The following GPC5 variants were observed in gnomAD, a reference collection of about 807,000 sequenced individuals.
GPC5 encodes the protein glypican 5.
GPC5 carries 47 observed loss-of-function variants against 53.9 expected under a neutral mutation model. The ratio of observed to expected loss-of-function variants is 0.87; its 90% CI spans 0.69 to 1.11. The LOEUF (loss-of-function observed/expected upper bound fraction) is 1.11. Ranked by LOEUF, GPC5 falls within the 50% of genes most tolerant of loss-of-function variation. The pLI, the probability that GPC5 is intolerant of heterozygous loss-of-function variation, is 0.00. For synonymous variants in GPC5, 286 were observed against 263.3 expected, an observed-to-expected ratio of 1.09 and a Z score of -0.84; for missense variants, 748 against 713.1, an observed-to-expected ratio of 1.05 and a Z score of -0.56.
chr13:92,327,244 G>A (rs1249601682), intron 7 of GPC5, among the ~76,000 whole-genome samples: 1 of 152,130 alleles, frequency 6.6e-6, no homozygotes, highest in Non-Finnish European at 1.5e-5. Context: ...AATTTGCAAT[G>A]TCCTTGCTTA....
intron 7 of GPC5, among the ~76,000 whole-genome samples, chr13:92,791,078 A>G (rs1235308430): frequency 6.6e-6 from 1 of 152,076 alleles, no homozygotes; most frequent in Non-Finnish European, 1.5e-5. Flanking sequence ...GTGAAATTCA[A>G]CAGTCAGTTA....
At chr13:91,890,294 G>T (rs1233054639) in intron 5 of GPC5, among the ~76,000 whole-genome samples, 2 of 152,086 alleles carry the variant, frequency 1.3e-5, no homozygotes, top group African/African-American at 4.8e-5. Context: ...AGCTGCATTT[G>T]GCAGGCTCTA....
rs535461745 is a variant in GPC5 at position 92,290,203 on chromosome 13, G to T, written c.1561+145214G>T. ...TCAACAAAATCAAATCTACAGATAC[G>T]TAGTTGGTAATTGATTATGCAACAT... On this transcript the variant is annotated intron_variant, in intron 7 of 7. Coordinates refer to ENST00000377067, the MANE Select transcript of GPC5 (RefSeq NM_004466.6). 1.2e-4 allele frequency among the ~76,000 whole-genome samples: 18 copies of T among 152,272 alleles called. 1 individual carries two copies. In the South Asian group the frequency reaches 3.7e-3, roughly 32 times the overall value.
chr13:91,461,169 T>A (rs76474689), intron 2 of GPC5, among the ~76,000 whole-genome samples: 1,930 of 152,248 alleles, frequency 0.013, 22 homozygotes, highest in South Asian at 0.023. Context: ...ACAAAGATAA[T>A]CGAACTTTTG....
At chr13:92,613,266 T>C (rs1188034214) in intron 7 of GPC5, among the ~76,000 whole-genome samples, 3 of 125,302 alleles carry the variant, frequency 2.4e-5, no homozygotes, top group African/African-American at 6.1e-5. Context: ...ATAATATATA[T>C]ATAAATTATA....
intron 6 of GPC5, among the ~76,000 whole-genome samples, chr13:92,064,759 A>AAAAAAAAAAAAAAAAAAAAAAAAAAC (rs1566419687): frequency 3.5e-5 from 1 of 28,442 alleles, no homozygotes; most frequent in Non-Finnish European, 7.7e-5. Context: ...TCCGTCTCAA[A>AAAAAAAAAAAAAAAAAAAAAAAAAAC]AAAAAAAAAC....
intron 1 of GPC5, among the ~76,000 whole-genome samples, chr13:91,431,776 T>C (rs1879471078): frequency 1.3e-5 from 2 of 152,158 alleles, no homozygotes; most frequent in Non-Finnish European, 2.9e-5. Flanking sequence ...AATGGGGTTA[T>C]TATGAGGTGG....
At chr13:92,077,035 A>T (rs1196156797) in intron 6 of GPC5, among the ~76,000 whole-genome samples, 1 of 152,098 alleles carries the variant, frequency 6.6e-6, no homozygotes, top group Non-Finnish European at 1.5e-5. Context: ...GACAAACTCA[A>T]CCAATTGTCA....
At chr13:91,797,776 G>A (rs150056144) in intron 5 of GPC5, among the ~76,000 whole-genome samples, 112 of 152,242 alleles carry the variant, frequency 7.4e-4, no homozygotes, top group African/African-American at 2.1e-3. Context: ...CAGAGCAGGC[G>A]TCGTGCTGAC....
At chr13:92,023,910 G>C (rs2040780268) in intron 6 of GPC5, among the ~76,000 whole-genome samples, 1 of 151,920 alleles carries the variant, frequency 6.6e-6, no homozygotes, top group Non-Finnish European at 1.5e-5. Context: ...ATAAGTTCCA[G>C]GTACTTTGTG....
intron 2 of GPC5, among the ~76,000 whole-genome samples, chr13:91,683,687 T>C (rs1023264267): frequency 2.6e-5 from 4 of 152,220 alleles, no homozygotes; most frequent in South Asian, 2.1e-4. Flanking sequence ...TCCAATATTT[T>C]AGTCTCTATC....
intron 1 of GPC5, among the ~76,000 whole-genome samples, chr13:91,409,635 A>T (rs1460710273): frequency 6.6e-6 from 1 of 152,254 alleles, no homozygotes; most frequent in Non-Finnish European, 1.5e-5. Context: ...TATTATGATC[A>T]CATATTTTCT....
chr13:92,703,286 T>A (rs1887822178), intron 7 of GPC5, among the ~76,000 whole-genome samples: 1 of 151,582 alleles, frequency 6.6e-6, no homozygotes, highest in South Asian at 2.1e-4. Flanking sequence ...AATATGTACA[T>A]GTGTCCCTTG....
At chr13:92,810,374 A>G (rs1877250807) in intron 7 of GPC5, among the ~76,000 whole-genome samples, 2 of 151,950 alleles carry the variant, frequency 1.3e-5, no homozygotes, top group African/African-American at 4.8e-5. Flanking sequence ...GAAAACGTTA[A>G]TTTTAATTTT....
chr13:92,174,070 A>T (rs977923379), intron 7 of GPC5, among the ~76,000 whole-genome samples: 1 of 152,092 alleles, frequency 6.6e-6, no homozygotes, highest in Non-Finnish European at 1.5e-5. Flanking sequence ...AAACCACTGC[A>T]CTCTAGCCTG....
intron 6 of GPC5, among the ~76,000 whole-genome samples, chr13:92,096,806 T>C (rs189984788): frequency 1.3e-5 from 2 of 152,284 alleles, no homozygotes; most frequent in East Asian, 1.9e-4. Flanking sequence ...AAAAAACTAA[T>C]ACAGAGTCTA....
intron 7 of GPC5, among the ~76,000 whole-genome samples, chr13:92,778,010 G>A (rs976088973): frequency 6.6e-6 from 1 of 152,158 alleles, no homozygotes; most frequent in Non-Finnish European, 1.5e-5. Context: ...GAGGCTCCAG[G>A]ATGTGGCAAA....
Position 92,055,848 on chromosome 13 carries a change from C to A in GPC5, c.1402-88982C>A, listed in dbSNP as rs187333501. Among the ~76,000 whole-genome samples the A allele has an allele frequency of 2.0e-5, 3 of 152,248 alleles. 1 individual carries two copies. The highest frequency in any genetic ancestry group is 2.0e-4 in the Admixed American group (3 of 15,288). ...CTGTGATGCATCATTTTCAAAGCATCGTTTGCATGACTTCAATCAATATTA... is the reference window on the plus strand; with the variant it reads ...CTGTGATGCATCATTTTCAAAGCATAGTTTGCATGACTTCAATCAATATTA... On this transcript the variant is annotated intron_variant, in intron 6 of 7. Coordinates refer to ENST00000377067, the MANE Select transcript of GPC5 (RefSeq NM_004466.6).
At chr13:92,186,572 A>G (rs780001972) in intron 7 of GPC5, among the ~76,000 whole-genome samples, 2 of 150,984 alleles carry the variant, frequency 1.3e-5, no homozygotes, top group African/African-American at 2.5e-5. Context: ...AAATATATTT[A>G]CTCTCATCGG....
Sources: allele counts gnomAD v4.1 joint callset (sites outside exome capture counted in the v4.1 genomes callset), GRCh38; gene constraint gnomAD v4.1.1; transcripts MANE v1.5; gene names NCBI Gene and HGNC (gene_info 2026-07-23, HGNC 2026-07-21).